Variants in CD28 observed in about 807,000 individuals in gnomAD.
CD28 encodes T-cell-specific surface glycoprotein CD28.
A neutral mutation model predicts 21.4 loss-of-function variants in CD28; 8 were observed. The ratio of observed to expected loss-of-function variants is 0.37; its 90% CI spans 0.22 to 0.68. The LOEUF is 0.68. Ranked by LOEUF, CD28 falls within the 30% of genes least tolerant of loss-of-function variation. The pLI, the probability that CD28 is intolerant of heterozygous loss-of-function variation, is 0.55. For missense variants in CD28, 239 were observed against 272.2 expected (o/e 0.88, Z 0.86); for synonymous variants, 106 against 104.0 (o/e 1.02, Z -0.12).
intron 1 of CD28, among the ~76,000 whole-genome samples, chr2:203,718,704 A>G (rs1012144863): frequency 3.3e-5 from 5 of 152,178 alleles, no homozygotes; most frequent in African/African-American, 1.2e-4. Flanking sequence ...CTGCTTCTTT[A>G]GCTTCCCAGT....
At chr2:203,729,874 G>A (rs1484985698) in intron 3 of CD28, 102 bp downstream of exon 3, 1 of 1,185,750 alleles carries the variant, frequency 8.4e-7, no homozygotes, top group Non-Finnish European at 1.2e-6. Flanking sequence ...GTTTAATATA[G>A]GATGATGATT....
intron 1 of CD28, among the ~76,000 whole-genome samples, chr2:203,718,215 C>T (rs565564506): frequency 5.3e-5 from 8 of 152,232 alleles, no homozygotes; most frequent in South Asian, 2.1e-4. Context: ...TCAGGGAGCA[C>T]GGTTTGTCTC....
At position 203,708,927 on chromosome 2, in the gene CD28, C is replaced by T. The variant is rs139120824; in HGVS notation, c.52+2179C>T. Among the ~76,000 whole-genome samples, 1,118 of 152,122 alleles carry T rather than the reference C, an allele frequency of 7.3e-3. 8 individuals are homozygous for T. Among genetic ancestry groups the T allele is most frequent in the Middle Eastern group, 0.024 (7 of 294 alleles). On this transcript the variant is annotated intron_variant, in intron 1 of 3. Coordinates refer to ENST00000324106, the MANE Select transcript of CD28 (RefSeq NM_006139.4). ...TTGAGGTCAGGAGTTGGAGACCCGT[C>T]GGGCTAACATGGTGAAATCCCATCT...
intron 1 of CD28, among the ~76,000 whole-genome samples, chr2:203,707,774 T>A (rs1306289868): frequency 2.0e-5 from 3 of 152,176 alleles, no homozygotes; most frequent in East Asian, 3.8e-4. Context: ...TGAACCACCT[T>A]AGTCTGACTC....
rs1694056250 is a variant in CD28 at position 203,737,037 on chromosome 2, AC to A, written c.*2127del. ...AGGGATGAGGTGCTATAATATGAGG[AC>A]CTTTTAACTTCCATCATTTTCCTGT... On this transcript the variant is annotated 3_prime_UTR_variant, in exon 4 of 4. Coordinates refer to ENST00000324106, the MANE Select transcript of CD28 (RefSeq NM_006139.4). 1 of 152,218 alleles carries A rather than the reference AC, an allele frequency of 6.6e-6. No homozygotes were observed. The highest frequency in any genetic ancestry group is 2.1e-4 in the South Asian group (1 of 4,830). 9.4% of individuals were successfully genotyped at this position (152,218 alleles called of 1,614,324 possible). A position where few individuals can be genotyped will look rare whatever the true frequency, so the allele number is the denominator to read the frequency against.
Position 203,737,036 on chromosome 2 carries a change from G to A in CD28, c.*2124G>A, listed in dbSNP as rs1220951429. 1 of 152,158 alleles carries A rather than the reference G, an allele frequency of 6.6e-6. No homozygotes were observed. Among genetic ancestry groups the A allele is most frequent in the Non-Finnish European group, 1.5e-5 (1 of 68,048 alleles). 9.4% of individuals were successfully genotyped at this position (152,158 alleles called of 1,614,324 possible). On this transcript the variant is annotated 3_prime_UTR_variant, in exon 4 of 4. Transcript: ENST00000324106. ...CAGGGATGAGGTGCTATAATATGAG[G>A]ACCTTTTAACTTCCATCATTTTCCT...
At chr2:203,713,125 C>T (rs2106110016) in intron 1 of CD28, among the ~76,000 whole-genome samples, 1 of 152,314 alleles carries the variant, frequency 6.6e-6, no homozygotes, top group East Asian at 1.9e-4. Context: ...TTCATGTTCT[C>T]AGAACAGATG....
chr2:203,726,629 C>G lies in CD28; in HGVS notation c.53-4C>G. On this transcript the variant is annotated splice_region_variant and splice_polypyrimidine_tract_variant and intron_variant, in intron 1 of 3. Transcript: ENST00000324106. ...TCTAAGCAAATGATTTTTTTTTCCC[C>G]CAGGAAACAAGATTTTGGTGAAGCA... The G allele has an allele frequency of 1.3e-6, 2 of 1,584,808 alleles. No individual in the cohort carries two copies. Among genetic ancestry groups the G allele is most frequent in the Non-Finnish European group, 1.7e-6 (2 of 1,165,524 alleles).
chr2:203,727,836 T>C (rs1456610356), intron 2 of CD28, among the ~76,000 whole-genome samples: 1 of 152,074 alleles, frequency 6.6e-6, no homozygotes, highest in African/African-American at 2.4e-5. Context: ...CCTGCCACCA[T>C]GCCCGGCTAA....
At chr2:203,715,163 T>C (rs1372636163) in intron 1 of CD28, among the ~76,000 whole-genome samples, 1 of 152,216 alleles carries the variant, frequency 6.6e-6, no homozygotes, top group Non-Finnish European at 1.5e-5. Context: ...TTAAAACATA[T>C]ATTTAGAAAA....
At position 203,706,647 on chromosome 2, in the gene CD28, G is replaced by A. The variant is rs1005217252; in HGVS notation, c.-50G>A. The A allele has an allele frequency of 2.5e-6, 4 of 1,613,820 alleles. No homozygotes were observed. The highest frequency in any genetic ancestry group is 1.3e-5 in the African/African-American group (1 of 74,888). Reference sequence around the variant, plus strand: ...GTCTTTCAGTTCCCCTCACACTTCGGGTTCCTCGGGGAGGAGGGGCTGGAA... The same window carrying A: ...GTCTTTCAGTTCCCCTCACACTTCGAGTTCCTCGGGGAGGAGGGGCTGGAA... On this transcript the variant is annotated 5_prime_UTR_variant, in exon 1 of 4. Coordinates refer to ENST00000324106, the MANE Select transcript of CD28 (RefSeq NM_006139.4).
rs572738990 is a variant in CD28 at position 203,734,866 on chromosome 2, A to G, written c.617A>G (p.Tyr206Cys). ...CGCCCCGGGCCCACCCGCAAGCATTACCAGCCCTATGCCCCACCACGCGAC... is the reference window on the plus strand; with the variant it reads ...CGCCCCGGGCCCACCCGCAAGCATTGCCAGCCCTATGCCCCACCACGCGAC... The part of the protein sequence containing the change: ...PRRPGPTRKH[Y>C]QPYAPPRDFA... The change falls in exon 4 of 4, where the codon TAC (tyrosine) becomes TGC (cysteine). Residue 206 changes from tyrosine (Y) to cysteine (C), a missense_variant. This residue lies in a region of CD28 where 112 missense variants were observed against 112.8 expected (regional missense o/e 0.99). Transcript: ENST00000324106. 2.5e-6 allele frequency: 4 copies of G among 1,614,074 alleles called. No individual in the cohort carries two copies. Among genetic ancestry groups the G allele is most frequent in the Non-Finnish European group, 3.4e-6 (4 of 1,180,048 alleles).
At chr2:203,717,782 G>A (rs1039850670) in intron 1 of CD28, among the ~76,000 whole-genome samples, 1 of 152,116 alleles carries the variant, frequency 6.6e-6, no homozygotes, top group African/African-American at 2.4e-5. Context: ...AACACCCCAT[G>A]GATCCAGAGG....
At chr2:203,710,462 C>A (rs574543014) in intron 1 of CD28, among the ~76,000 whole-genome samples, 2 of 152,336 alleles carry the variant, frequency 1.3e-5, no homozygotes, top group African/African-American at 4.8e-5. Context: ...AACTCCAAAG[C>A]TCTCACATTC....
Position 203,726,699 on chromosome 2 carries a change from G to T in CD28, c.119G>T (p.Cys40Phe). 1.2e-6 allele frequency: 2 copies of T among 1,614,076 alleles called. No individual in the cohort carries two copies. The highest frequency in any genetic ancestry group is 1.7e-6 in the Non-Finnish European group (2 of 1,180,000). ...VAYDNAVNLS[C>F]KYSYNLFSRE... ...TACGACAATGCGGTCAACCTTAGCT[G>T]CAAGTATTCCTACAATCTCTTCTCA... is the stretch of plus-strand genomic sequence containing the variant. Residue 40 changes from cysteine (C) to phenylalanine (F), a missense_variant, in exon 2 of 4, where the codon TGC (cysteine) becomes TTC (phenylalanine). By Grantham distance (205) the Cys-to-Phe change is radical. Transcript: ENST00000324106.
At chr2:203,729,577 T>C in intron 2 of CD28, 71 bp from the exon 3 acceptor site, 1 of 1,439,320 alleles carries the variant, frequency 6.9e-7, no homozygotes, top group Non-Finnish European at 9.6e-7. Context: ...TTTTCTCTGA[T>C]GTTCACAAGG....
In CD28 at chr2:203,726,212, A is replaced by AAAAC. The variant is rs1169900710; in HGVS notation, c.53-409_53-406dup. Among the ~76,000 whole-genome samples, 6 of 152,342 alleles carry AAAAC rather than the reference A, an allele frequency of 3.9e-5. No individual in the cohort carries two copies. The East Asian group carries it at 9.6e-4, about 24-fold the overall frequency. On this transcript the variant is annotated intron_variant, in intron 1 of 3. Coordinates refer to ENST00000324106, the MANE Select transcript of CD28 (RefSeq NM_006139.4). ...GGCAACAGAGCAAGACTCTGTCTCA[A>AAAAC]AAACAAACAAACAAAGAAACAGATC...
In CD28 at chr2:203,726,681, A is replaced by G; in HGVS notation, c.101A>G (p.Asn34Ser). ...TCGCCCATGCTTGTAGCGTACGACA[A>G]TGCGGTCAACCTTAGCTGCAAGTAT... ...KQSPMLVAYDNAVNLSCKYSY... is the reference protein window; with the variant it reads ...KQSPMLVAYDSAVNLSCKYSY... Residue 34 changes from asparagine (N) to serine (S), a missense_variant, in exon 2 of 4, where the codon AAT becomes AGT. Transcript: ENST00000324106. The G allele has an allele frequency of 1.9e-6, 3 of 1,614,138 alleles. No individual in the cohort carries two copies. The highest frequency in any genetic ancestry group is 2.5e-6 in the Non-Finnish European group (3 of 1,180,016).
At chr2:203,712,791 T>C (rs139790827) in intron 1 of CD28, among the ~76,000 whole-genome samples, 1 of 152,356 alleles carries the variant, frequency 6.6e-6, no homozygotes, top group Non-Finnish European at 1.5e-5. Flanking sequence ...AAGATTTGAA[T>C]GAACGTTGTT....
Sources: allele counts gnomAD v4.1 joint callset (sites outside exome capture counted in the v4.1 genomes callset), GRCh38; gene constraint gnomAD v4.1.1; regional missense constraint gnomAD v4.1.1; transcripts MANE v1.5; gene names NCBI Gene and HGNC (gene_info 2026-07-23, HGNC 2026-07-21).